Variants in STK32C observed in about 807,000 individuals in gnomAD.
STK32C encodes serine/threonine kinase 32C.
STK32C carries 31 observed loss-of-function variants against 56.5 expected under a neutral mutation model. That is an observed-to-expected ratio of 0.55 (90% CI 0.41 to 0.74). The LOEUF (loss-of-function observed/expected upper bound fraction) is 0.74, where lower values mean the gene tolerates loss of function less well. Among genes scored for constraint, STK32C ranks in the 30% least tolerant of loss-of-function variants. The pLI, the probability that STK32C is intolerant of heterozygous loss-of-function variation, is 0.00. For synonymous variants in STK32C, 309 were observed against 289.4 expected (o/e 1.07, Z -0.69); for missense variants, 544 against 676.9 (o/e 0.80, Z 2.18).
At chr10:132,296,865 C>T (rs1202629476) in intron 1 of STK32C, among the ~76,000 whole-genome samples, 2 of 152,206 alleles carry the variant, frequency 1.3e-5, no homozygotes, top group South Asian at 2.1e-4. Context: ...CTCGCAGGCC[C>T]GCGCCCTCTG....
chr10:132,317,967 CAAA>C (rs1223040750), intron 1 of STK32C, among the ~76,000 whole-genome samples: 2 of 55,576 alleles, frequency 3.6e-5, no homozygotes, highest in Non-Finnish European at 3.8e-5. Context: ...GACTCTGTCT[CAAA>C]AAAAAAAAAA....
chr10:132,250,162 G>T (rs1323789474), intron 1 of STK32C, among the ~76,000 whole-genome samples: 5 of 152,246 alleles, frequency 3.3e-5, no homozygotes, highest in African/African-American at 1.2e-4. Context: ...GGGAGGGAAG[G>T]GGCTGAGGCC....
chr10:132,269,561 G>A (rs2064748740), intron 1 of STK32C, among the ~76,000 whole-genome samples: 1 of 152,262 alleles, frequency 6.6e-6, no homozygotes, highest in Admixed American at 6.5e-5. Flanking sequence ...TGGGCTGGCT[G>A]CTGATGGATT....
At chr10:132,330,531 A>C (rs369994063) in intron 1 of STK32C, 6 of 716,492 alleles carry the variant, frequency 8.4e-6, no homozygotes, top group East Asian at 2.7e-5. Context: ...TTTTTTTGAG[A>C]CAGGGTCTCG....
chr10:132,253,913 G>A (rs2064011576), intron 1 of STK32C, among the ~76,000 whole-genome samples: 1 of 152,260 alleles, frequency 6.6e-6, no homozygotes, highest in South Asian at 2.1e-4. Context: ...TCTGCGTCTA[G>A]CACTCGGCTG....
intron 1 of STK32C, among the ~76,000 whole-genome samples, chr10:132,277,354 G>C (rs1215426018): frequency 1.3e-5 from 2 of 152,364 alleles, no homozygotes; most frequent in Middle Eastern, 6.8e-3. Flanking sequence ...CACCATTCCT[G>C]TGCGGGGAGG....
chr10:132,269,978 C>T (rs879648753), intron 1 of STK32C, among the ~76,000 whole-genome samples: 4 of 152,256 alleles, frequency 2.6e-5, no homozygotes, highest in Admixed American at 2.0e-4. Context: ...TGAGCCCTCC[C>T]CTGACTGCTT....
chr10:132,227,459 A>G (rs2137724541), intron 3 of STK32C, among the ~76,000 whole-genome samples: 1 of 151,832 alleles, frequency 6.6e-6, no homozygotes, highest in Admixed American at 6.6e-5. Context: ...GGATGACGGT[A>G]GTGAGGACTG....
intron 1 of STK32C, among the ~76,000 whole-genome samples, chr10:132,246,213 C>G (rs780912651): frequency 6.3e-4 from 96 of 152,240 alleles, no homozygotes; most frequent in Non-Finnish European, 1.1e-3. Flanking sequence ...TGCTCAGCCA[C>G]AGCATGGATG....
chr10:132,272,741 T>C (rs2064869534), intron 1 of STK32C, among the ~76,000 whole-genome samples: 1 of 152,166 alleles, frequency 6.6e-6, no homozygotes, highest in Non-Finnish European at 1.5e-5. Context: ...GCAGGCGTCG[T>C]CCTTTTGAAA....
rs2062849266 is a variant in STK32C at position 132,225,336 on chromosome 10, G to A, written c.773C>T (p.Ala258Val). 1 of 1,607,788 alleles carries A rather than the reference G, an allele frequency of 6.2e-7. No individual in the cohort carries two copies. The highest frequency in any genetic ancestry group is 8.5e-7 in the Non-Finnish European group (1 of 1,177,510). Residue 258 changes from alanine (A) to valine (V), a missense_variant and splice_region_variant, in exon 7 of 12, where the codon GCT becomes GTT. Around this residue, in one of 3 missense-constraint regions of STK32C, gnomAD observed 85 missense variants for 149.9 expected, o/e 0.57. Coordinates refer to ENST00000298630, the MANE Select transcript of STK32C (RefSeq NM_173575.4). ...GACAAAAGAGTGGAAGATCTCCGGA[G>A]CTTTCCGACAGAAAGAAGGAAAAAC... ...TALAGTKPYM[A>V]PEIFHSFVNG... is the part of the protein sequence containing the mutation.
At chr10:132,304,043 G>A (rs2065986555) in intron 1 of STK32C, among the ~76,000 whole-genome samples, 1 of 152,228 alleles carries the variant, frequency 6.6e-6, no homozygotes, top group South Asian at 2.1e-4. Flanking sequence ...ACGTGTTAAG[G>A]TATTTCACAC....
intron 1 of STK32C, among the ~76,000 whole-genome samples, chr10:132,293,661 C>A (rs146688463): frequency 2.0e-5 from 3 of 152,332 alleles, no homozygotes; most frequent in Non-Finnish European, 4.4e-5. Context: ...GCAGAGGGAA[C>A]GCAGGGCAGG....
At position 132,224,346 on chromosome 10, in the gene STK32C, G is replaced by C. The variant is rs1039203599; in HGVS notation, c.993+61C>G. On this transcript the variant is annotated intron_variant, in intron 8 of 11. Coordinates refer to ENST00000298630, the MANE Select transcript of STK32C (RefSeq NM_173575.4). ...ACTGGAGGGGGTGTCCCGAGCCGCA[G>C]GTAAGTGAGGGAGGGAGGTGGGTGC... is the stretch of plus-strand genomic sequence containing the variant. 52 of 1,279,986 alleles carry C rather than the reference G, an allele frequency of 4.1e-5. No individual in the cohort carries two copies. The East Asian group carries it at 1.3e-3, about 32-fold the overall frequency. 79.3% of individuals were successfully genotyped at this position (1,279,986 alleles called of 1,614,324 possible).
At chr10:132,224,640 G>C (rs974677392) in intron 7 of STK32C, 117 bp from the exon 8 acceptor site, 25 of 746,060 alleles carry the variant, frequency 3.4e-5, no homozygotes, top group Non-Finnish European at 5.7e-5. Context: ...CCAAGTGCAG[G>C]CACAGCTCTG....
At chr10:132,304,531 T>C (rs2066001346) in intron 1 of STK32C, among the ~76,000 whole-genome samples, 2 of 152,224 alleles carry the variant, frequency 1.3e-5, no homozygotes, top group African/African-American at 2.4e-5. Flanking sequence ...CAAATTGGCA[T>C]GCAGAGCAGG....
At position 132,284,286 on chromosome 10, in the gene STK32C, GGTTGGGGGGGGCAGGTGA is replaced by G. The variant is rs1305759878; in HGVS notation, c.262+23268_262+23285del. ...CAAGGTGGAGAACAGGGGCAGGTGAGGTTGGGGGGGGCAGGTGAGGTTGGGGGGGCAGGTGAGGTTGGG... is the reference window on the plus strand; with the variant it reads ...CAAGGTGGAGAACAGGGGCAGGTGAGGGTTGGGGGGGCAGGTGAGGTTGGG... On this transcript the variant is annotated intron_variant, in intron 1 of 11. Transcript: ENST00000298630. 5.9e-4 allele frequency among the ~76,000 whole-genome samples: 75 copies of G among 127,916 alleles called. No individual in the cohort carries two copies. The East Asian group carries it at 0.013, about 23-fold the overall frequency. The allele number at this position is 127,916 out of a possible 152,430, so 83.9% of individuals were successfully genotyped here.
intron 11 of STK32C, 69 bp downstream of exon 11, chr10:132,208,962 CAAG>C (rs2062197589): frequency 2.0e-6 from 3 of 1,480,806 alleles, no homozygotes; most frequent in Non-Finnish European, 1.9e-6. Flanking sequence ...CTCACGTGGC[CAAG>C]AAAACCTTAA....
intron 1 of STK32C, among the ~76,000 whole-genome samples, chr10:132,293,173 G>C (rs1265333350): frequency 6.6e-6 from 1 of 152,204 alleles, no homozygotes; most frequent in Non-Finnish European, 1.5e-5. Flanking sequence ...CTGGGGCCAG[G>C]GGGCTGGGGC....
Sources: gnomAD v4.1 joint callset for allele counts (sites outside exome capture counted in the v4.1 genomes callset) on GRCh38, gnomAD v4.1.1 for gene constraint, gnomAD v4.1.1 regional missense constraint, MANE v1.5 for transcripts, NCBI Gene and HGNC (gene_info 2026-07-23, HGNC 2026-07-21) for gene names.